LOC400499: variants seen among roughly 807,000 people sequenced by gnomAD.
the LOC400499 span, among the ~76,000 whole-genome samples, chr16:11,486,073 T>C: frequency 1.3e-5 from 2 of 150,308 alleles, no homozygotes; most frequent in Non-Finnish European, 3.0e-5. Context: ...TATGGATGGA[T>C]GGATGTATGG....
the LOC400499 span, among the ~76,000 whole-genome samples, chr16:11,407,968 C>CTCTTTTTTTTTTTTTTTTTTT: frequency 8.6e-6 from 1 of 116,176 alleles, no homozygotes; most frequent in African/African-American, 3.4e-5. Context: ...TGTTCCAGAG[C>CTCTTTTTTTTTTTTTTTTTTT]TGTTTTTTTT....
At chr16:11,507,664 G>A in the LOC400499 span, among the ~76,000 whole-genome samples, 1 of 152,228 alleles carries the variant, frequency 6.6e-6, no homozygotes, top group Non-Finnish European at 1.5e-5. Context: ...GGGCGCAGTG[G>A]CTCACGCCTG....
chr16:11,460,274 G>A, the LOC400499 span, among the ~76,000 whole-genome samples: 11 of 152,086 alleles, frequency 7.2e-5, no homozygotes, highest in Non-Finnish European at 1.5e-4. Flanking sequence ...TTTGCTCACT[G>A]CAACCTCCGC....
At chr16:11,378,638 T>A in the LOC400499 span, among the ~76,000 whole-genome samples, 2 of 152,232 alleles carry the variant, frequency 1.3e-5, no homozygotes, top group Non-Finnish European at 2.9e-5. Context: ...CCCATAAGAT[T>A]TCATATGTTT....
At chr16:11,505,147 T>TAA in the LOC400499 span, among the ~76,000 whole-genome samples, 10 of 135,748 alleles carry the variant, frequency 7.4e-5, no homozygotes, top group African/African-American at 2.7e-4. Flanking sequence ...TGCAATGGCT[T>TAA]AAAAAAAAAA....
chr16:11,383,997 G>C, the LOC400499 span: 1 of 1,231,804 alleles, frequency 8.1e-7, no homozygotes, highest in African/African-American at 1.5e-5. Flanking sequence ...TGGCCCTGCA[G>C]TCACCACCCA....
the LOC400499 span, among the ~76,000 whole-genome samples, chr16:11,495,570 G>A: frequency 6.6e-5 from 10 of 152,034 alleles, no homozygotes; most frequent in African/African-American, 1.2e-4. Flanking sequence ...TAGTAAAGCC[G>A]GGTTTCACCA....
the LOC400499 span, among the ~76,000 whole-genome samples, chr16:11,522,835 G>C: frequency 6.6e-6 from 1 of 152,174 alleles, no homozygotes; most frequent in Non-Finnish European, 1.5e-5. Flanking sequence ...CAGCCTTGGG[G>C]GATCTGGGGG....
the LOC400499 span, chr16:11,398,267 C>G: frequency 1.9e-5 from 22 of 1,181,980 alleles, no homozygotes; most frequent in South Asian, 9.1e-4. Flanking sequence ...CCCCTGCATT[C>G]TGCGGGCACC....
At chr16:11,503,073 C>T in the LOC400499 span, among the ~76,000 whole-genome samples, 1 of 152,028 alleles carries the variant, frequency 6.6e-6, no homozygotes, top group South Asian at 2.1e-4. Context: ...TGGTGTGCAT[C>T]ACCACGCTCA....
At chr16:11,392,274 G>T in the LOC400499 span, 2 of 398,900 alleles carry the variant, frequency 5.0e-6, no homozygotes, top group South Asian at 1.3e-4. Flanking sequence ...CCCAGTGGGA[G>T]AACGGTAACC....
chr16:11,385,735 T>C, the LOC400499 span, among the ~76,000 whole-genome samples: 1 of 152,214 alleles, frequency 6.6e-6, no homozygotes, highest in African/African-American at 2.4e-5. Flanking sequence ...ACATAAAATG[T>C]CCAGAGCAGG....
At chr16:11,431,820 G>C in the LOC400499 span, among the ~76,000 whole-genome samples, 1 of 152,190 alleles carries the variant, frequency 6.6e-6, no homozygotes, top group African/African-American at 2.4e-5. Flanking sequence ...TGCCACTCCT[G>C]CATTAACACG....
At chr16:11,449,891 C>T in the LOC400499 span, among the ~76,000 whole-genome samples, 7,729 of 152,354 alleles carry the variant, frequency 0.051, 246 homozygotes, top group East Asian at 0.14. Flanking sequence ...GGCACCTCCA[C>T]TGCCACCACC....
chr16:11,464,344 T>C, the LOC400499 span, among the ~76,000 whole-genome samples: 5 of 152,248 alleles, frequency 3.3e-5, no homozygotes, highest in African/African-American at 1.2e-4. Flanking sequence ...GGCTGTGCAG[T>C]GCTCGTCAGA....
the LOC400499 span, among the ~76,000 whole-genome samples, chr16:11,510,674 C>T: frequency 6.6e-6 from 1 of 151,624 alleles, no homozygotes; most frequent in Non-Finnish European, 1.5e-5. Flanking sequence ...GTCCCCAGAG[C>T]CCCGGCAGTG....
the LOC400499 span, among the ~76,000 whole-genome samples, chr16:11,521,415 A>AC: frequency 1.3e-5 from 2 of 152,204 alleles, no homozygotes; most frequent in Non-Finnish European, 2.9e-5. Context: ...GAAATCTGCA[A>AC]CCACCAAGTG....
At chr16:11,385,549 C>G in the LOC400499 span, 1 of 532,346 alleles carries the variant, frequency 1.9e-6, no homozygotes, top group Non-Finnish European at 2.9e-6. Flanking sequence ...GATTCCCCCT[C>G]CCCTGGCGCA....
the LOC400499 span, chr16:11,447,820 G>T: frequency 7.3e-7 from 1 of 1,371,620 alleles, no homozygotes; most frequent in Non-Finnish European, 9.6e-7. Context: ...GGCCCCAGCA[G>T]GTCAGCAGAG....
Sources: gnomAD v4.1 joint callset for allele counts (sites outside exome capture counted in the v4.1 genomes callset) on GRCh38, gnomAD v4.1.1 for gene constraint, MANE v1.5 for transcripts.